COP1: variants seen among roughly 807,000 people sequenced by gnomAD.
The protein encoded by COP1 is E3 ubiquitin-protein ligase COP1.
COP1 carries 24 observed loss-of-function variants against 101.3 expected under a neutral mutation model. The observed-to-expected ratio is 0.24, with a 90% CI of 0.17 to 0.33. The LOEUF is 0.33. Among genes scored for constraint, COP1 ranks in the 10% least tolerant of loss-of-function variants. The pLI, the probability that COP1 is intolerant of heterozygous loss-of-function variation, is 1.00. For synonymous variants in COP1, 347 were observed against 341.9 expected (o/e 1.01, Z -0.17); for missense variants, 663 against 906.2 (o/e 0.73, Z 3.45).
intron 5 of COP1, among the ~76,000 whole-genome samples, chr1:176,151,103 G>C (rs764000458): frequency 6.6e-6 from 1 of 151,910 alleles, no homozygotes; most frequent in African/African-American, 2.4e-5. Context: ...CACTAAAAAT[G>C]AAAGTCCAAG....
chr1:176,156,239 G>A (rs1023558790), intron 5 of COP1, among the ~76,000 whole-genome samples: 2 of 152,072 alleles, frequency 1.3e-5, no homozygotes, highest in Admixed American at 1.3e-4. Flanking sequence ...ACTATAAACT[G>A]TGTGGGAGAA....
At chr1:176,070,548 G>C (rs1202357442) in intron 11 of COP1, among the ~76,000 whole-genome samples, 2 of 152,002 alleles carry the variant, frequency 1.3e-5, no homozygotes, top group Non-Finnish European at 2.9e-5. Flanking sequence ...TGTAATCCCA[G>C]CCACTCGGGA....
At chr1:175,998,303 G>A (rs1571526683) in intron 15 of COP1, among the ~76,000 whole-genome samples, 1 of 150,532 alleles carries the variant, frequency 6.6e-6, no homozygotes. Context: ...ACACTCTGGG[G>A]ACTGTTGTGG....
intron 8 of COP1, among the ~76,000 whole-genome samples, chr1:176,121,154 T>C (rs922929778): frequency 1.3e-5 from 2 of 152,038 alleles, no homozygotes; most frequent in African/African-American, 4.8e-5. Flanking sequence ...ACTCTACATA[T>C]AGTTACTGAA....
At chr1:176,142,040 T>C (rs1463255488) in intron 6 of COP1, among the ~76,000 whole-genome samples, 1 of 152,098 alleles carries the variant, frequency 6.6e-6, no homozygotes, top group Non-Finnish European at 1.5e-5. Flanking sequence ...CAACATTTTG[T>C]TTTAAGCTGA....
rs768106659 is a variant in COP1 at position 175,989,463 on chromosome 1, G to A, written c.1746C>T (p.Tyr582=). ...GCTGTTTAGTGTTACGAAGATCATA[G>A]TAGTGGACACAGTGATCTAAAACAA... ...AFGCADHCVH[Y]YDLRNTKQPI... The change falls in exon 16 of 20, where the codon TAC becomes TAT. Residue 582 remains tyrosine, a synonymous_variant. Transcript: ENST00000367669. The A allele has an allele frequency of 2.5e-6, 4 of 1,576,138 alleles. No individual in the cohort carries two copies. Among genetic ancestry groups the A allele is most frequent in the Non-Finnish European group, 3.5e-6 (4 of 1,145,662 alleles).
intron 3 of COP1, among the ~76,000 whole-genome samples, chr1:176,164,239 GTATCTACT>G (rs1167034128): frequency 5.3e-5 from 8 of 152,146 alleles, no homozygotes; most frequent in Admixed American, 5.2e-4. Context: ...GAGTAACTGA[GTATCTACT>G]ATGAGTTAAG....
chr1:176,142,997 A>G (rs901266388), intron 6 of COP1, among the ~76,000 whole-genome samples: 1 of 152,072 alleles, frequency 6.6e-6, no homozygotes, highest in African/African-American at 2.4e-5. Flanking sequence ...GATGGAAATA[A>G]TAAAGAACAT....
chr1:176,079,319 T>G (rs1019013220), intron 11 of COP1, among the ~76,000 whole-genome samples: 2 of 152,142 alleles, frequency 1.3e-5, no homozygotes, highest in Non-Finnish European at 2.9e-5. Context: ...TAAAACCATG[T>G]CCTCTGCAGC....
chr1:176,068,774 A>C (rs1676466018), intron 11 of COP1, among the ~76,000 whole-genome samples: 1 of 152,196 alleles, frequency 6.6e-6, no homozygotes, highest in Non-Finnish European at 1.5e-5. Context: ...ATATAATTGA[A>C]TATATGTGAA....
intron 18 of COP1, among the ~76,000 whole-genome samples, chr1:175,960,648 G>A (rs1651225572): frequency 6.6e-6 from 1 of 152,164 alleles, no homozygotes; most frequent in African/African-American, 2.4e-5. Context: ...ACATTAGATG[G>A]TACTGGTAAC....
intron 18 of COP1, among the ~76,000 whole-genome samples, chr1:175,957,938 A>T (rs559402052): frequency 6.6e-6 from 1 of 152,278 alleles, no homozygotes; most frequent in East Asian, 1.9e-4. Context: ...ATACTGTATC[A>T]TTCCTGTTAT....
At chr1:176,135,116 G>T (rs986941171) in intron 7 of COP1, 30 bp from the exon 8 acceptor site, 2 of 1,376,988 alleles carry the variant, frequency 1.5e-6, no homozygotes, top group Non-Finnish European at 2.1e-6. Flanking sequence ...AATTATAGTA[G>T]ATATTTCAAA....
intron 5 of COP1, among the ~76,000 whole-genome samples, chr1:176,158,070 AC>A (rs1693734889): frequency 6.6e-6 from 1 of 151,966 alleles, no homozygotes; most frequent in African/African-American, 2.4e-5. Context: ...AATTCAAAGA[AC>A]CCAATAACAA....
intron 16 of COP1, 47 bp downstream of exon 16, chr1:175,989,315 T>C (rs760419611): frequency 3.2e-6 from 3 of 947,068 alleles, no homozygotes; most frequent in South Asian, 1.3e-5. Flanking sequence ...GGTAGGTAAG[T>C]ACAGAGCTCT....
intron 14 of COP1, among the ~76,000 whole-genome samples, chr1:176,036,359 T>A (rs1416429258): frequency 1.3e-5 from 2 of 151,634 alleles, no homozygotes; most frequent in Non-Finnish European, 2.9e-5. Context: ...AAGTTGAGCA[T>A]TTGAAAAGAT....
chr1:176,151,314 AGAAAGAAG>A, intron 5 of COP1, among the ~76,000 whole-genome samples: 1 of 143,060 alleles, frequency 7.0e-6, no homozygotes, highest in African/African-American at 2.9e-5. Flanking sequence ...AAGGAGAGAA[AGAAAGAAG>A]GAAAGAAAGA....
intron 18 of COP1, among the ~76,000 whole-genome samples, chr1:175,977,160 T>C (rs935034905): frequency 2.6e-5 from 4 of 152,284 alleles, no homozygotes; most frequent in Admixed American, 2.6e-4. Context: ...TTTCTACTTT[T>C]ATCAGAGAGC....
intron 14 of COP1, among the ~76,000 whole-genome samples, chr1:176,032,960 T>G (rs983556049): frequency 6.6e-6 from 1 of 152,194 alleles, no homozygotes; most frequent in Non-Finnish European, 1.5e-5. Flanking sequence ...AGTTATAAAT[T>G]ATAATAACTG....
Sources: gnomAD v4.1 joint callset for allele counts (sites outside exome capture counted in the v4.1 genomes callset) on GRCh38, gnomAD v4.1.1 for gene constraint, MANE v1.5 for transcripts, NCBI Gene and HGNC (gene_info 2026-07-23, HGNC 2026-07-21) for gene names.